Variants in ZBTB24 observed in about 807,000 individuals in gnomAD.
The protein encoded by ZBTB24 is zinc finger and BTB domain-containing protein 24.
In ZBTB24, 32 loss-of-function variants were observed where a neutral mutation model predicts 53.8. The observed-to-expected ratio is 0.60, with a 90% CI of 0.45 to 0.80. ZBTB24 has a LOEUF of 0.80. ZBTB24 is among the 30% of genes least tolerant of loss of function. ZBTB24 has a pLI of 0.00. For missense variants in ZBTB24, 722 were observed against 837.1 expected (o/e 0.86, Z 1.70); for synonymous variants, 297 against 306.7 (o/e 0.97, Z 0.33).
chr6:109,473,585 A>C (rs964441569), intron 5 of ZBTB24, among the ~76,000 whole-genome samples: 2 of 151,962 alleles, frequency 1.3e-5, no homozygotes, highest in Non-Finnish European at 2.9e-5. Context: ...CACTCACAAC[A>C]CCAAATGTGT....
At chr6:109,476,326 G>A in intron 3 of ZBTB24, 68 bp from the exon 4 acceptor site, 2 of 1,536,846 alleles carry the variant, frequency 1.3e-6, no homozygotes, top group East Asian at 2.3e-5. Flanking sequence ...CACTAATAAG[G>A]TAAATACTAC....
intron 2 of ZBTB24, 117 bp from the exon 3 acceptor site, chr6:109,477,047 A>G (rs2115362291): frequency 2.2e-6 from 3 of 1,377,592 alleles, no homozygotes; most frequent in Non-Finnish European, 2.0e-6. Context: ...CAAAAGGCCA[A>G]CAATGAACAC....
In ZBTB24 at chr6:109,466,158, G is replaced by A. The variant is rs765207865; in HGVS notation, c.1787C>T (p.Thr596Met). The change falls in exon 7 of 7, where the codon ACG becomes ATG. Residue 596 changes from threonine to methionine, a missense_variant. Coordinates refer to ENST00000230122, the MANE Select transcript of ZBTB24 (RefSeq NM_014797.3). ...ATTCTGCAGTTGCTCTGGCTGCTGC[G>A]TGAGCAGGGTAAGATTAGCAGCCTG... ...ADQAANLTLLTQQPEQLQNLI... is the reference protein window; with the variant it reads ...ADQAANLTLLMQQPEQLQNLI... 6.8e-6 allele frequency: 11 copies of A among 1,614,120 alleles called. No individual in the cohort carries two copies. Among genetic ancestry groups the A allele is most frequent in the East Asian group, 6.7e-5 (3 of 44,896 alleles).
In ZBTB24 at chr6:109,476,790, G is replaced by A; in HGVS notation, c.1093C>T (p.Leu365=). 1 of 1,613,902 alleles carries A rather than the reference G, an allele frequency of 6.2e-7. No homozygotes were observed. The highest frequency in any genetic ancestry group is 1.7e-4 in the Middle Eastern group (1 of 5,988). The change falls in exon 3 of 7, where the codon CTG becomes TTG. Residue 365 remains leucine, a synonymous_variant. Coordinates refer to ENST00000230122, the MANE Select transcript of ZBTB24 (RefSeq NM_014797.3). The part of the protein sequence containing the change: ...CSKALTTKHS[L]LEHMSLHSGQ... ...GAGTGCAGGCTCATGTGCTCCAGCA[G>A]TGAGTGCTTGGTGGTCAGAGCCTTG...
At position 109,465,354 on chromosome 6, in the gene ZBTB24, C is replaced by A; in HGVS notation, c.*497G>T. ...GAAATTATTAAAAGGGCAAATTCCC[C>A]ATACATTGTGATCTGTCATATTTAG... On this transcript the variant is annotated 3_prime_UTR_variant, in exon 7 of 7. Coordinates refer to ENST00000230122, the MANE Select transcript of ZBTB24 (RefSeq NM_014797.3). The A allele has an allele frequency of 2.6e-6, 1 of 384,928 alleles. No homozygotes were observed. The highest frequency in any genetic ancestry group is 4.7e-6 in the Non-Finnish European group (1 of 213,228). 23.8% of individuals were successfully genotyped at this position (384,928 alleles called of 1,614,324 possible).
intron 2 of ZBTB24, 151 bp from the exon 3 acceptor site, chr6:109,477,081 T>A: frequency 8.7e-7 from 1 of 1,153,354 alleles, no homozygotes; most frequent in Non-Finnish European, 1.2e-6. Flanking sequence ...AATAAAATTT[T>A]GGAAGCTGAA....
At chr6:109,475,971 C>T (rs1268337540) in intron 4 of ZBTB24, among the ~76,000 whole-genome samples, 1 of 152,204 alleles carries the variant, frequency 6.6e-6, no homozygotes, top group Non-Finnish European at 1.5e-5. Context: ...GGCACCAAAA[C>T]TGTAGTATAC....
At chr6:109,480,665 C>G (rs1582682790) in intron 2 of ZBTB24, among the ~76,000 whole-genome samples, 1 of 152,162 alleles carries the variant, frequency 6.6e-6, no homozygotes, top group Non-Finnish European at 1.5e-5. Context: ...AATCAGAAAG[C>G]AGGGTACATT....
intron 5 of ZBTB24, 29 bp from the exon 6 acceptor site, chr6:109,467,763 A>G: frequency 6.2e-7 from 1 of 1,609,430 alleles, no homozygotes; most frequent in South Asian, 1.1e-5. Context: ...AAAACAAAAA[A>G]CCCAAAACAA....
intron 2 of ZBTB24, among the ~76,000 whole-genome samples, chr6:109,477,791 C>T (rs1260094682): frequency 6.6e-6 from 1 of 152,186 alleles, no homozygotes; most frequent in Admixed American, 6.5e-5. Context: ...AGACACAGGC[C>T]AGCAGCCAGG....
rs1033030805 is a variant in ZBTB24, at chr6:109,464,254, TAATAA to T, written c.*1592_*1596del. On this transcript the variant is annotated 3_prime_UTR_variant, in exon 7 of 7. Transcript: ENST00000230122. ...TTTTGGAAGTTTTGTGAATTACATA[TAATAA>T]AATATAGCTTAGCAAATATGCAACC... The T allele has an allele frequency of 3.3e-5, 5 of 152,218 alleles. No individual in the cohort carries two copies. The highest frequency in any genetic ancestry group is 7.2e-5 in the African/African-American group (3 of 41,452). The allele number at this position is 152,218 out of a possible 1,614,324, so 9.4% of individuals were successfully genotyped here.
intron 6 of ZBTB24, among the ~76,000 whole-genome samples, chr6:109,467,133 A>G (rs1398683152): frequency 2.0e-5 from 3 of 152,252 alleles, no homozygotes; most frequent in Non-Finnish European, 4.4e-5. Context: ...CGTAGCCCCA[A>G]TCAAAATTTA....
Position 109,466,582 on chromosome 6 carries a change from A to G in ZBTB24, c.1371-8T>C, listed in dbSNP as rs1026958904. ...GAGTATGGCTTTTCTCCTCTGTAAG[A>G]AAATAAACATTTTATTTTTAAAATG... On this transcript the variant is annotated splice_region_variant and splice_polypyrimidine_tract_variant and intron_variant, in intron 6 of 6. Coordinates refer to ENST00000230122, the MANE Select transcript of ZBTB24 (RefSeq NM_014797.3). 6.2e-7 allele frequency: 1 copy of G among 1,607,592 alleles called. No homozygotes were observed.
At position 109,466,095 on chromosome 6, in the gene ZBTB24, A is replaced by G. The variant is rs201984127; in HGVS notation, c.1850T>C (p.Ile617Thr). Reference protein sequence around the residue: ...LSAQQEQTEHIQSLNMIESQM... With the variant: ...LSAQQEQTEHTQSLNMIESQM... ...GCTTTCAATCATATTGAGGCTCTGA[A>G]TGTGTTCTGTTTGCTCCTGTTGAGC... The change falls in exon 7 of 7, where the codon ATT (isoleucine) becomes ACT (threonine). Residue 617 changes from isoleucine to threonine, a missense_variant. Coordinates refer to ENST00000230122, the MANE Select transcript of ZBTB24 (RefSeq NM_014797.3). The G allele has an allele frequency of 6.2e-7, 1 of 1,614,184 alleles. No homozygotes were observed. Among genetic ancestry groups the G allele is most frequent in the East Asian group, 2.2e-5 (1 of 44,884 alleles).
Position 109,481,678 on chromosome 6 carries a change from T to C in ZBTB24, c.349A>G (p.Lys117Glu). 6.2e-7 allele frequency: 1 copy of C among 1,614,206 alleles called. No homozygotes were observed. The highest frequency in any genetic ancestry group is 1.1e-5 in the South Asian group (1 of 91,082). Residue 117 changes from lysine (K) to glutamate (E), a missense_variant, in exon 2 of 7, where the codon AAA (lysine) becomes GAA (glutamate). Transcript: ENST00000230122. ...TAAGCCTTTACCAGGTCATAGACTT[T>C]TAAGAACTGAGCAGTAGCCAGGATT... The part of the protein sequence containing the change: ...EQILATAQFL[K>E]VYDLVKAYTD...
chr6:109,479,903 G>A (rs1248617177), intron 2 of ZBTB24, among the ~76,000 whole-genome samples: 3 of 105,886 alleles, frequency 2.8e-5, no homozygotes, highest in African/African-American at 3.7e-5. Flanking sequence ...GTGACAGAGC[G>A]AGAATCCATC....
chr6:109,480,827 T>C, intron 2 of ZBTB24: 1 of 616,354 alleles, frequency 1.6e-6, no homozygotes, highest in Non-Finnish European at 2.0e-6. Flanking sequence ...CTTGGTTGCT[T>C]CATCTGTAAA....
At chr6:109,467,757 C>T (rs1227193378) in intron 5 of ZBTB24, 23 bp from the exon 6 acceptor site, 3 of 1,610,256 alleles carry the variant, frequency 1.9e-6, no homozygotes, top group Non-Finnish European at 2.5e-6. Context: ...AAAACAAAAA[C>T]AAAAAACCCA....
chr6:109,472,995 C>T (rs1259506628), intron 5 of ZBTB24, among the ~76,000 whole-genome samples: 1 of 152,192 alleles, frequency 6.6e-6, no homozygotes, highest in Non-Finnish European at 1.5e-5. Context: ...GCCTCGCCCC[C>T]ACCTCACAGG....
Sources: gnomAD v4.1 joint callset for allele counts (sites outside exome capture counted in the v4.1 genomes callset) on GRCh38, gnomAD v4.1.1 for gene constraint, MANE v1.5 for transcripts, NCBI Gene and HGNC (gene_info 2026-07-23, HGNC 2026-07-21) for gene names.